Variants in PIP5K1B observed in about 807,000 individuals in gnomAD.
PIP5K1B encodes phosphatidylinositol-4-phosphate 5-kinase type 1 beta.
PIP5K1B carries 42 observed loss-of-function variants against 67.0 expected under a neutral mutation model. The ratio of observed to expected loss-of-function variants is 0.63; its 90% CI spans 0.49 to 0.81. The LOEUF (loss-of-function observed/expected upper bound fraction) is 0.81. PIP5K1B is among the 30% of genes least tolerant of loss of function. The pLI is 0.00. For missense variants in PIP5K1B, 459 were observed against 646.3 expected (o/e 0.71, Z 3.14); for synonymous variants, 214 against 231.4 (o/e 0.92, Z 0.68).
intron 4 of PIP5K1B, among the ~76,000 whole-genome samples, chr9:68,844,815 C>T (rs1222948246): frequency 6.6e-6 from 1 of 152,234 alleles, no homozygotes; most frequent in Non-Finnish European, 1.5e-5. Context: ...GCTGCTTCCT[C>T]CTGCTCCACT....
intron 12 of PIP5K1B, among the ~76,000 whole-genome samples, chr9:68,925,419 T>TA (rs1826640364): frequency 6.6e-6 from 1 of 152,184 alleles, no homozygotes; most frequent in Non-Finnish European, 1.5e-5. Context: ...CTCTGATAAG[T>TA]AAAAAATGTT....
At chr9:68,805,216 A>G (rs1832804951) in intron 2 of PIP5K1B, among the ~76,000 whole-genome samples, 1 of 152,172 alleles carries the variant, frequency 6.6e-6, no homozygotes, top group African/African-American at 2.4e-5. Context: ...TGTGGGGCGC[A>G]GGGGGCCCTG....
At chr9:68,865,858 C>T (rs1019119205) in intron 5 of PIP5K1B, among the ~76,000 whole-genome samples, 3 of 152,216 alleles carry the variant, frequency 2.0e-5, no homozygotes, top group African/African-American at 7.2e-5. Context: ...GTTTGAGAAC[C>T]ACTGGCCTCG....
intron 14 of PIP5K1B, among the ~76,000 whole-genome samples, chr9:68,958,940 C>T (rs1828556313): frequency 6.6e-6 from 1 of 152,082 alleles, no homozygotes; most frequent in Non-Finnish European, 1.5e-5. Flanking sequence ...TAATCGTCAC[C>T]TTTGATCAAT....
In PIP5K1B at chr9:68,830,271, A is replaced by AC. The variant is rs148921672; in HGVS notation, c.69+7594dup. 2.9e-3 allele frequency among the ~76,000 whole-genome samples: 436 copies of AC among 152,130 alleles called. 1 individual carries two copies. Among genetic ancestry groups the AC allele is most frequent in the African/African-American group, 0.01 (424 of 41,506 alleles). ...GTGTAATCATATCACGTTACCATGC[A>AC]CCCCCCGCCCTGTCAGATCACCCCT... On this transcript the variant is annotated intron_variant, in intron 4 of 15. Transcript: ENST00000265382.
At chr9:68,942,687 T>C (rs1827624272) in intron 14 of PIP5K1B, among the ~76,000 whole-genome samples, 1 of 152,214 alleles carries the variant, frequency 6.6e-6, no homozygotes. Flanking sequence ...GACTAGCATA[T>C]AGATTTGGAG....
chr9:68,907,646 G>A (rs566394670), intron 8 of PIP5K1B, among the ~76,000 whole-genome samples: 1 of 152,158 alleles, frequency 6.6e-6, no homozygotes, highest in Admixed American at 6.5e-5. Flanking sequence ...AACAATCCTA[G>A]AGCATGGATC....
At chr9:68,916,127 G>A (rs1156319042) in intron 8 of PIP5K1B, among the ~76,000 whole-genome samples, 1 of 152,216 alleles carries the variant, frequency 6.6e-6, no homozygotes, top group African/African-American at 2.4e-5. Context: ...TATAGGAACA[G>A]CTTCTCATGT....
At chr9:68,878,013 C>CTGTGTGTGTGTGTGTGTGTG (rs35871698) in intron 6 of PIP5K1B, among the ~76,000 whole-genome samples, 30 of 142,090 alleles carry the variant, frequency 2.1e-4, no homozygotes, top group Admixed American at 1.4e-4. Flanking sequence ...CGCATTTGTT[C>CTGTGTGTGTGTGTGTGTGTG]TGTGTGTGTG....
At chr9:68,987,077 AC>A (rs1191289096) in intron 14 of PIP5K1B, among the ~76,000 whole-genome samples, 1 of 150,560 alleles carries the variant, frequency 6.6e-6, no homozygotes, top group Non-Finnish European at 1.5e-5. Context: ...ATATGGCAAA[AC>A]CCCGTCTCTA....
chr9:68,783,673 T>G (rs1831435627), intron 2 of PIP5K1B: 1 of 167,088 alleles, frequency 6.0e-6, no homozygotes, highest in Non-Finnish European at 1.5e-5. Context: ...CTGATTTTTA[T>G]CAGCTAGAAT....
At chr9:68,730,861 A>G (rs1435481956) in intron 1 of PIP5K1B, among the ~76,000 whole-genome samples, 2 of 152,196 alleles carry the variant, frequency 1.3e-5, no homozygotes, top group South Asian at 2.1e-4. Flanking sequence ...GGATGAATGG[A>G]TTTCATGATT....
intron 3 of PIP5K1B, among the ~76,000 whole-genome samples, chr9:68,819,674 A>G (rs1036843380): frequency 2.0e-5 from 3 of 152,232 alleles, no homozygotes; most frequent in Non-Finnish European, 2.9e-5. Context: ...GTCTAAGAAG[A>G]AACAGTAGTC....
chr9:68,904,976 A>T (rs1293390329), intron 8 of PIP5K1B, among the ~76,000 whole-genome samples: 3 of 152,072 alleles, frequency 2.0e-5, no homozygotes, highest in African/African-American at 7.2e-5. Flanking sequence ...AACTTGTCCC[A>T]CAGAAATTTA....
intron 8 of PIP5K1B, among the ~76,000 whole-genome samples, chr9:68,899,500 G>C (rs1825258178): frequency 6.6e-6 from 1 of 152,198 alleles, no homozygotes; most frequent in African/African-American, 2.4e-5. Context: ...TAAGAAACCT[G>C]TCTTTGGTGA....
intron 2 of PIP5K1B, chr9:68,780,628 A>T (rs772580637): frequency 6.2e-7 from 1 of 1,614,234 alleles, no homozygotes. Context: ...ATTGGGAAGC[A>T]GTGTTTTTCG....
chr9:68,947,580 G>T (rs540506886), intron 14 of PIP5K1B, among the ~76,000 whole-genome samples: 46 of 152,272 alleles, frequency 3.0e-4, no homozygotes, highest in Admixed American at 1.5e-3. Flanking sequence ...ATAGACACAG[G>T]ATCTTTTTTA....
At chr9:68,726,983 G>T (rs1218689853) in intron 1 of PIP5K1B, among the ~76,000 whole-genome samples, 8 of 143,296 alleles carry the variant, frequency 5.6e-5, no homozygotes, top group South Asian at 2.2e-4. Flanking sequence ...TAAAGTTGTT[G>T]TTTTTTTTTT....
At chr9:68,895,164 G>C (rs770260987) in intron 8 of PIP5K1B, among the ~76,000 whole-genome samples, 6 of 151,256 alleles carry the variant, frequency 4.0e-5, no homozygotes, top group Non-Finnish European at 8.8e-5. Context: ...TAAGAGGTGA[G>C]CAGGAATGAA....
Sources: gnomAD v4.1 joint callset for allele counts (sites outside exome capture counted in the v4.1 genomes callset) on GRCh38, gnomAD v4.1.1 for gene constraint, MANE v1.5 for transcripts, NCBI Gene and HGNC (gene_info 2026-07-23, HGNC 2026-07-21) for gene names.